The following TRPM1 variants were observed in gnomAD, a reference collection of about 807,000 sequenced individuals.
TRPM1 encodes TRPM1-203 APA Isoform, Intron 10.
Under a neutral mutation model 149.4 loss-of-function variants are expected in TRPM1, and 113 were observed. The observed-to-expected ratio is 0.76, with a 90% CI of 0.65 to 0.88. The LOEUF (loss-of-function observed/expected upper bound fraction) is 0.88, where lower values mean the gene tolerates loss of function less well. Ranked by LOEUF, TRPM1 falls within the 40% of genes least tolerant of loss-of-function variation. The pLI, the probability that TRPM1 is intolerant of heterozygous loss-of-function variation, is 0.00. For missense variants in TRPM1, 1,976 were observed against 2,038.7 expected (o/e 0.97, Z 0.59); for synonymous variants, 741 against 759.5 (o/e 0.98, Z 0.40).
intron 16 of TRPM1, among the ~76,000 whole-genome samples, chr15:31,044,651 T>G (rs1457578432): frequency 6.6e-6 from 1 of 151,894 alleles, no homozygotes; most frequent in African/African-American, 2.4e-5. Context: ...TATGGTGGCA[T>G]GCACCTGCAG....
chr15:31,041,850 A>T, intron 17 of TRPM1, 101 bp downstream of exon 17: 1 of 1,293,212 alleles, frequency 7.7e-7, no homozygotes, highest in South Asian at 1.2e-5. Context: ...TTTAACCACC[A>T]TTGTCCTTAA....
rs1000785723 is a variant in TRPM1, at chr15:31,005,188, C to CA, written c.3630-2119dup. Reference sequence around the variant, plus strand: ...ATTACCCTGATTATTCCTTTTGTATCAAAAAAAACCCCACATTGCCCTAGT... The same window carrying CA: ...ATTACCCTGATTATTCCTTTTGTATCAAAAAAAAACCCCACATTGCCCTAGT... On this transcript the variant is annotated intron_variant, in intron 27 of 27. Coordinates refer to ENST00000256552, the MANE Select transcript of TRPM1 (RefSeq NM_001252024.2). Among the ~76,000 whole-genome samples the CA allele has an allele frequency of 1.1e-4, 16 of 151,692 alleles. No homozygotes were observed. The East Asian group carries it at 1.2e-3, about 11-fold the overall frequency.
chr15:31,055,962 C>T (rs1405835724), intron 11 of TRPM1, among the ~76,000 whole-genome samples: 1 of 152,152 alleles, frequency 6.6e-6, no homozygotes, highest in African/African-American at 2.4e-5. Flanking sequence ...TTCAAAAAAT[C>T]TAATTCATAT....
chr15:31,030,445 T>C (rs1224134878), intron 23 of TRPM1, among the ~76,000 whole-genome samples: 3 of 152,192 alleles, frequency 2.0e-5, no homozygotes, highest in Non-Finnish European at 4.4e-5. Context: ...TGGGCCTACA[T>C]TCCCCAGAAA....
At chr15:31,087,908 A>C (rs887915118) in intron 1 of TRPM1, among the ~76,000 whole-genome samples, 1 of 152,154 alleles carries the variant, frequency 6.6e-6, no homozygotes, top group African/African-American at 2.4e-5. Flanking sequence ...AGTTCTGGGG[A>C]TTGGTCGCAC....
chr15:31,110,352 A>G (rs1008553444), intron 1 of TRPM1, among the ~76,000 whole-genome samples: 7 of 152,226 alleles, frequency 4.6e-5, no homozygotes, highest in Admixed American at 3.9e-4. Flanking sequence ...AAACAAATGG[A>G]TAACTAGATT....
Position 31,032,935 on chromosome 15 carries a change from G to A in TRPM1, c.2706C>T (p.Leu902=), listed in dbSNP as rs767652752. The part of the protein sequence containing the change: ...SLALEKIREI[L]MSEPGKLSQK... ...GGCTGAGTTTGCCTGGTTCTGACAT[G>A]AGGATCTGAAAACAAACCCCAAAGA... Residue 902 remains leucine (L), a synonymous_variant, in exon 22 of 28, where the codon CTC becomes CTT. Coordinates refer to ENST00000256552, the MANE Select transcript of TRPM1 (RefSeq NM_001252024.2). The A allele has an allele frequency of 6.2e-7, 1 of 1,614,182 alleles. No individual in the cohort carries two copies. The highest frequency in any genetic ancestry group is 1.3e-5 in the African/African-American group (1 of 75,054).
chr15:31,084,807 G>A (rs1486460974), intron 1 of TRPM1, among the ~76,000 whole-genome samples: 5 of 150,082 alleles, frequency 3.3e-5, no homozygotes, highest in Admixed American at 3.3e-4. Flanking sequence ...TGCATAGCTG[G>A]AACTACAGGC....
chr15:31,056,077 T>A (rs1435415633), intron 11 of TRPM1, among the ~76,000 whole-genome samples: 1 of 152,150 alleles, frequency 6.6e-6, no homozygotes, highest in African/African-American at 2.4e-5. Flanking sequence ...TGCCTAAACC[T>A]TTAAAAATTG....
Position 31,076,900 on chromosome 15 carries a change from T to C in TRPM1, c.83+5A>G, listed in dbSNP as rs758709105. ...ATAATGTCTTAATCGTGGATTTCAA[T>C]TTACCTGTTAGAGTCTTTCATGCTA... On this transcript the variant is annotated splice_donor_5th_base_variant and intron_variant, in intron 3 of 27. Coordinates refer to ENST00000256552, the MANE Select transcript of TRPM1 (RefSeq NM_001252024.2). 1.3e-6 allele frequency: 2 copies of C among 1,591,566 alleles called. No homozygotes were observed. The highest frequency in any genetic ancestry group is 2.2e-5 in the South Asian group (2 of 90,582).
At chr15:31,128,901 T>G (rs139826671) in intron 1 of TRPM1, among the ~76,000 whole-genome samples, 2 of 152,368 alleles carry the variant, frequency 1.3e-5, no homozygotes, top group South Asian at 4.1e-4. Flanking sequence ...CTAATTCAGA[T>G]GAAAGCCCCC....
Position 31,026,341 on chromosome 15 carries a change from T to C in TRPM1, c.3497-70A>G, listed in dbSNP as rs1392744704. Reference sequence around the variant, plus strand: ...TCAGTTTCGTGGCGTCAATGAGAATTTCACAGCCCCACTTTAATTAAGCTC... The same window carrying C: ...TCAGTTTCGTGGCGTCAATGAGAATCTCACAGCCCCACTTTAATTAAGCTC... On this transcript the variant is annotated intron_variant, in intron 26 of 27. Coordinates refer to ENST00000256552, the MANE Select transcript of TRPM1 (RefSeq NM_001252024.2). The C allele has an allele frequency of 3.2e-6, 5 of 1,573,274 alleles. No individual in the cohort carries two copies. In the East Asian group the frequency reaches 1.1e-4, roughly 35 times the overall value.
chr15:31,003,590 T>G (rs2031873508), intron 27 of TRPM1, among the ~76,000 whole-genome samples: 1 of 152,192 alleles, frequency 6.6e-6, no homozygotes, highest in Non-Finnish European at 1.5e-5. Context: ...TGCTTAGTTT[T>G]TAGAGCTTTG....
chr15:31,019,202 C>G lies in TRPM1; in HGVS notation c.3629+6937G>C, dbSNP rs1338322838. On this transcript the variant is annotated intron_variant, in intron 27 of 27. Transcript: ENST00000256552. ...ATAATTTAATTCCAGAACTACTGAT[C>G]ATAAAGTTGTCTTATCCACTCTAAA... is the stretch of plus-strand genomic sequence containing the variant. 2.0e-5 allele frequency among the ~76,000 whole-genome samples: 3 copies of G among 152,296 alleles called. No individual in the cohort carries two copies. The East Asian group carries it at 5.8e-4, about 29-fold the overall frequency.
At chr15:31,057,154 T>C (rs2034107352) in intron 11 of TRPM1, among the ~76,000 whole-genome samples, 1 of 152,114 alleles carries the variant, frequency 6.6e-6, no homozygotes, top group African/African-American at 2.4e-5. Flanking sequence ...CTTTGAAAGA[T>C]TCTTCAAGAA....
intron 1 of TRPM1, among the ~76,000 whole-genome samples, chr15:31,094,083 A>C (rs1338163222): frequency 6.6e-6 from 1 of 152,236 alleles, no homozygotes; most frequent in East Asian, 1.9e-4. Context: ...GATTTTTAGC[A>C]AAGGTGCTAA....
Position 31,001,805 on chromosome 15 carries a change from TAAAG to T in TRPM1, c.*13_*16del, listed in dbSNP as rs768197913. ...GGTTCTGACTGTTAAAAAAAAAAAT[TAAAG>T]AAACAAAACAGACTAGCATTCAGTT... On this transcript the variant is annotated 3_prime_UTR_variant, in exon 28 of 28. Coordinates refer to ENST00000256552, the MANE Select transcript of TRPM1 (RefSeq NM_001252024.2). 1 of 1,604,162 alleles carries T rather than the reference TAAAG, an allele frequency of 6.2e-7. No individual in the cohort carries two copies.
At chr15:31,100,086 C>CT (rs1157034431) in intron 1 of TRPM1, among the ~76,000 whole-genome samples, 16,816 of 144,656 alleles carry the variant, frequency 0.12, 1,181 homozygotes, top group Non-Finnish European at 0.16. Flanking sequence ...TTCTTTCCTT[C>CT]TTTTTTTTTT....
chr15:31,094,677 CCTA>C (rs1378942296), intron 1 of TRPM1, among the ~76,000 whole-genome samples: 3 of 152,184 alleles, frequency 2.0e-5, no homozygotes, highest in Non-Finnish European at 2.9e-5. Context: ...CCACTTCATT[CCTA>C]CTAGGATGAT....
Sources: allele counts gnomAD v4.1 joint callset (sites outside exome capture counted in the v4.1 genomes callset), GRCh38; gene constraint gnomAD v4.1.1; transcripts MANE v1.5; gene names NCBI Gene and HGNC (gene_info 2026-07-23, HGNC 2026-07-21).